The following RPS6KC1 variants were observed in gnomAD, a reference collection of about 807,000 sequenced individuals.
The protein encoded by RPS6KC1 is ribosomal protein S6 kinase C1.
RPS6KC1 carries 54 observed loss-of-function variants against 103.8 expected under a neutral mutation model. That is an observed-to-expected ratio of 0.52 (90% CI 0.42 to 0.65). The LOEUF is 0.65. RPS6KC1 is among the 30% of genes least tolerant of loss of function. The pLI, the probability that RPS6KC1 is intolerant of heterozygous loss-of-function variation, is 0.00. For missense variants in RPS6KC1, 1,151 were observed against 1,253.8 expected (o/e 0.92, Z 1.24); for synonymous variants, 439 against 438.7 (o/e 1.00, Z -0.01).
the RPS6KC1 span, among the ~76,000 whole-genome samples, chr1:213,425,754 C>T: frequency 1.3e-5 from 2 of 152,166 alleles, no homozygotes; most frequent in South Asian, 2.1e-4. Context: ...AACCTTCCCC[C>T]GCCTGAATGT....
At chr1:213,567,606 T>C in the RPS6KC1 span, among the ~76,000 whole-genome samples, 1 of 152,210 alleles carries the variant, frequency 6.6e-6, no homozygotes, top group African/African-American at 2.4e-5. Flanking sequence ...ATTTGGAGAG[T>C]CTTGAAGTAA....
intron 6 of RPS6KC1, among the ~76,000 whole-genome samples, chr1:213,152,988 G>A (rs1168284230): frequency 6.6e-6 from 1 of 152,210 alleles, no homozygotes; most frequent in Non-Finnish European, 1.5e-5. Context: ...CTGCAATCCC[G>A]GCACCTCAGG....
chr1:213,802,880 T>C, the RPS6KC1 span, among the ~76,000 whole-genome samples: 1 of 152,130 alleles, frequency 6.6e-6, no homozygotes, highest in Non-Finnish European at 1.5e-5. Flanking sequence ...GAACCGGGAA[T>C]GTTTAGCCTG....
chr1:213,266,513 A>G (rs1329729468), intron 14 of RPS6KC1, among the ~76,000 whole-genome samples: 1 of 152,136 alleles, frequency 6.6e-6, no homozygotes, highest in Non-Finnish European at 1.5e-5. Context: ...TTTCCCCCAA[A>G]AAGTATGAAG....
the RPS6KC1 span, among the ~76,000 whole-genome samples, chr1:213,460,352 G>A: frequency 6.7e-6 from 1 of 149,626 alleles, no homozygotes; most frequent in Non-Finnish European, 1.5e-5. Context: ...TGTCTCTTTT[G>A]ATGTTTGTTG....
At chr1:213,370,528 C>T in the RPS6KC1 span, among the ~76,000 whole-genome samples, 1 of 152,038 alleles carries the variant, frequency 6.6e-6, no homozygotes, top group African/African-American at 2.4e-5. Context: ...GACCACACTG[C>T]AGCATGGGAA....
chr1:213,100,571 A>T (rs1461256461), intron 3 of RPS6KC1, among the ~76,000 whole-genome samples: 2 of 152,092 alleles, frequency 1.3e-5, no homozygotes, highest in East Asian at 3.9e-4. Context: ...GTTTCTTAAC[A>T]GTTATCTCCT....
At chr1:213,361,166 C>T in the RPS6KC1 span, among the ~76,000 whole-genome samples, 1 of 152,228 alleles carries the variant, frequency 6.6e-6, no homozygotes, top group African/African-American at 2.4e-5. Flanking sequence ...GTGGAGTCTA[C>T]AGAGGTAGGC....
chr1:213,219,845 C>G (rs187616751), intron 8 of RPS6KC1, among the ~76,000 whole-genome samples: 3 of 96,584 alleles, frequency 3.1e-5, no homozygotes, highest in African/African-American at 1.3e-4. Context: ...CATCACACAC[C>G]GGGGCCTGTT....
chr1:213,442,737 G>T, the RPS6KC1 span, among the ~76,000 whole-genome samples: 1 of 152,194 alleles, frequency 6.6e-6, no homozygotes, highest in South Asian at 2.1e-4. Flanking sequence ...CTTCCATGGG[G>T]TTGTTTCTGT....
At chr1:213,578,042 G>A in the RPS6KC1 span, among the ~76,000 whole-genome samples, 15 of 152,224 alleles carry the variant, frequency 9.9e-5, no homozygotes, top group South Asian at 2.1e-4. Context: ...ATGGCTCCCC[G>A]GGCTGGGCCC....
intron 5 of RPS6KC1, among the ~76,000 whole-genome samples, chr1:213,125,099 A>G (rs1296398794): frequency 6.6e-6 from 1 of 152,104 alleles, no homozygotes; most frequent in East Asian, 1.9e-4. Flanking sequence ...TATCTTTCAG[A>G]TACTGAACTT....
At chr1:213,133,643 G>A (rs145538547) in intron 6 of RPS6KC1, among the ~76,000 whole-genome samples, 1 of 152,124 alleles carries the variant, frequency 6.6e-6, no homozygotes, top group Non-Finnish European at 1.5e-5. Context: ...GTCGATTTGA[G>A]AGCTGGTTTT....
At chr1:213,709,491 A>G in the RPS6KC1 span, among the ~76,000 whole-genome samples, 15 of 150,436 alleles carry the variant, frequency 1.0e-4, no homozygotes, top group Non-Finnish European at 4.4e-5. Context: ...TAATCTTTTC[A>G]AAAAACCACT....
At chr1:213,369,870 G>T in the RPS6KC1 span, among the ~76,000 whole-genome samples, 1 of 152,208 alleles carries the variant, frequency 6.6e-6, no homozygotes, top group African/African-American at 2.4e-5. Context: ...GGGTTCGGGG[G>T]AAGTGAGAGC....
At chr1:213,387,576 T>A in the RPS6KC1 span, among the ~76,000 whole-genome samples, 1 of 152,248 alleles carries the variant, frequency 6.6e-6, no homozygotes, top group Non-Finnish European at 1.5e-5. Context: ...GTTGAGCATA[T>A]GTTGGTTTTT....
At chr1:213,381,291 T>C in the RPS6KC1 span, among the ~76,000 whole-genome samples, 37 of 152,230 alleles carry the variant, frequency 2.4e-4, no homozygotes, top group African/African-American at 8.9e-4. Context: ...GAGCACAGTA[T>C]TTTTCTTTCC....
chr1:213,486,137 G>T, the RPS6KC1 span, among the ~76,000 whole-genome samples: 1 of 152,154 alleles, frequency 6.6e-6, no homozygotes, highest in African/African-American at 2.4e-5. Flanking sequence ...TTTTGGCAAA[G>T]ATAATCTTTT....
At chr1:213,498,031 TTTATG>T in the RPS6KC1 span, among the ~76,000 whole-genome samples, 28 of 152,164 alleles carry the variant, frequency 1.8e-4, no homozygotes, top group African/African-American at 6.8e-4. Flanking sequence ...TGAAGATCTT[TTTATG>T]TTGATTGTTT....
Sources: allele counts gnomAD v4.1 joint callset (sites outside exome capture counted in the v4.1 genomes callset), GRCh38; gene constraint gnomAD v4.1.1; transcripts MANE v1.5; gene names NCBI Gene and HGNC (gene_info 2026-07-23, HGNC 2026-07-21).